ADGRL3: variants seen among roughly 807,000 people sequenced by gnomAD.
ADGRL3 encodes calcium-independent alpha-latrotoxin receptor 3.
ADGRL3 carries 62 observed loss-of-function variants against 153.5 expected under a neutral mutation model. That is an observed-to-expected ratio of 0.40 (90% CI 0.33 to 0.50). ADGRL3 has a LOEUF of 0.50. Ranked by LOEUF, ADGRL3 falls within the 20% of genes least tolerant of loss-of-function variation. The pLI is 0.47. For synonymous variants in ADGRL3, 710 were observed against 672.5 expected (o/e 1.06, Z -0.86); for missense variants, 1,641 against 1,859.4 (o/e 0.88, Z 2.16).
At chr4:61,313,429 A>G (rs925385018) in intron 1 of ADGRL3, among the ~76,000 whole-genome samples, 1 of 152,200 alleles carries the variant, frequency 6.6e-6, no homozygotes, top group Non-Finnish European at 1.5e-5. Flanking sequence ...ATCAGCAGTA[A>G]AAAATGTACC....
intron 17 of ADGRL3, among the ~76,000 whole-genome samples, chr4:61,976,750 G>T (rs555951863): frequency 2.0e-5 from 3 of 152,014 alleles, no homozygotes; most frequent in East Asian, 3.9e-4. Context: ...CTCCCCCTTC[G>T]CCTTCTGCCA....
intron 17 of ADGRL3, among the ~76,000 whole-genome samples, chr4:61,978,456 T>C (rs1361233420): frequency 6.6e-6 from 1 of 152,200 alleles, no homozygotes; most frequent in African/African-American, 2.4e-5. Context: ...ACCCATTCAT[T>C]TATCTATTCT....
Position 61,486,331 on chromosome 4 carries a change from T to TC in ADGRL3, c.-173-10790_-173-10789insC, listed in dbSNP as rs778796138. ...TTCACAGGATAAGGATGATACTGAT[T>TC]TTATATTTAAATCAAATCCTGGAAT... On this transcript the variant is annotated intron_variant, in intron 2 of 26. Coordinates refer to ENST00000683033, the MANE Select transcript of ADGRL3 (RefSeq NM_001387552.1). 1.5e-3 allele frequency among the ~76,000 whole-genome samples: 235 copies of TC among 152,252 alleles called. 3 individuals carry two copies. Among genetic ancestry groups the TC allele is most frequent in the Admixed American group, 3.3e-3 (50 of 15,282 alleles).
At chr4:61,256,726 G>C (rs1167792461) in intron 1 of ADGRL3, among the ~76,000 whole-genome samples, 3 of 152,052 alleles carry the variant, frequency 2.0e-5, no homozygotes. Flanking sequence ...GAAATAAACT[G>C]AGTTTATAAA....
At chr4:61,573,122 A>T (rs140732852) in intron 4 of ADGRL3, among the ~76,000 whole-genome samples, 2,299 of 152,134 alleles carry the variant, frequency 0.015, 52 homozygotes, top group African/African-American at 0.052. Flanking sequence ...ACAGTGTGCT[A>T]AGCATAGTGT....
intron 5 of ADGRL3, among the ~76,000 whole-genome samples, chr4:61,608,435 A>G (rs2099041104): frequency 6.6e-6 from 1 of 152,224 alleles, no homozygotes; most frequent in African/African-American, 2.4e-5. Context: ...AACTGAATTA[A>G]AAACCAAACA....
intron 17 of ADGRL3, among the ~76,000 whole-genome samples, chr4:61,971,866 GT>G (rs1376962966): frequency 1.3e-5 from 2 of 152,098 alleles, no homozygotes; most frequent in Admixed American, 1.3e-4. Flanking sequence ...GTGTGAGATG[GT>G]ATCTCATTGT....
intron 2 of ADGRL3, among the ~76,000 whole-genome samples, chr4:61,449,946 T>G (rs1228321281): frequency 6.6e-6 from 1 of 152,232 alleles, no homozygotes; most frequent in East Asian, 1.9e-4. Flanking sequence ...TGATGTCTAT[T>G]GGAAACTATA....
intron 21 of ADGRL3, among the ~76,000 whole-genome samples, chr4:62,007,197 TA>T (rs947807632): frequency 4.7e-5 from 7 of 150,474 alleles, no homozygotes; most frequent in Non-Finnish European, 8.9e-5. Context: ...GTTCAGGATG[TA>T]AAATATTCCT....
intron 2 of ADGRL3, among the ~76,000 whole-genome samples, chr4:61,469,772 G>T (rs975635395): frequency 1.3e-5 from 2 of 151,956 alleles, no homozygotes; most frequent in South Asian, 4.1e-4. Context: ...AAGGGAACAA[G>T]TAGTATAGAA....
At chr4:61,627,335 C>T (rs369752902) in intron 5 of ADGRL3, among the ~76,000 whole-genome samples, 4 of 151,936 alleles carry the variant, frequency 2.6e-5, no homozygotes, top group East Asian at 1.9e-4. Context: ...AATAGTTAGC[C>T]GAATGTGGTG....
chr4:61,597,031 T>G (rs1234404790), intron 5 of ADGRL3, among the ~76,000 whole-genome samples: 1 of 150,342 alleles, frequency 6.7e-6, no homozygotes, highest in Non-Finnish European at 1.5e-5. Context: ...TGAAGTGTGT[T>G]TTTTTTTTTC....
chr4:61,210,374 G>A (rs540565004), intron 1 of ADGRL3, among the ~76,000 whole-genome samples: 3 of 152,200 alleles, frequency 2.0e-5, no homozygotes, highest in East Asian at 1.9e-4. Context: ...ATTCAGGACA[G>A]CCCCAGTGGC....
At chr4:61,424,582 G>A (rs980769415) in intron 2 of ADGRL3, among the ~76,000 whole-genome samples, 8 of 152,162 alleles carry the variant, frequency 5.3e-5, no homozygotes, top group Non-Finnish European at 1.2e-4. Flanking sequence ...TCTCTTGCAA[G>A]GCTGCTATTA....
rs2098285548 is a variant in ADGRL3 at position 61,857,274 on chromosome 4, G to C, written c.1481-35382G>C. Among the ~76,000 whole-genome samples the C allele has an allele frequency of 2.6e-5, 4 of 151,856 alleles. No homozygotes were observed. In the South Asian group the frequency reaches 8.3e-4, roughly 31 times the overall value. On this transcript the variant is annotated intron_variant, in intron 9 of 26. Coordinates refer to ENST00000683033, the MANE Select transcript of ADGRL3 (RefSeq NM_001387552.1). ...CATGCTGGGAGTAGAGTATCTACAG[G>C]AGAAAAGGTTCTATAAGGGAAAGCC...
At chr4:61,861,008 A>T in intron 9 of ADGRL3, among the ~76,000 whole-genome samples, 1 of 152,234 alleles carries the variant, frequency 6.6e-6, no homozygotes, top group East Asian at 1.9e-4. Flanking sequence ...TGTCAAACTG[A>T]AGATTTCTAC....
At chr4:61,415,649 A>ATTTTCCCTAT (rs2097136395) in intron 2 of ADGRL3, among the ~76,000 whole-genome samples, 1 of 151,826 alleles carries the variant, frequency 6.6e-6, no homozygotes, top group South Asian at 2.1e-4. Context: ...ATGTATCCCA[A>ATTTTCCCTAT]TTTTCCCTAT....
intron 5 of ADGRL3, among the ~76,000 whole-genome samples, chr4:61,634,721 T>C (rs2150072374): frequency 6.6e-6 from 1 of 152,272 alleles, no homozygotes; most frequent in Admixed American, 6.5e-5. Flanking sequence ...AAAAAGTGAA[T>C]GCCCTTCCCA....
At chr4:61,791,040 A>G (rs1383917581) in intron 8 of ADGRL3, among the ~76,000 whole-genome samples, 2 of 152,146 alleles carry the variant, frequency 1.3e-5, no homozygotes, top group African/African-American at 4.8e-5. Flanking sequence ...TTGGGTGGGG[A>G]CACAGGCAAA....
Sources: allele counts gnomAD v4.1 joint callset (sites outside exome capture counted in the v4.1 genomes callset), GRCh38; gene constraint gnomAD v4.1.1; transcripts MANE v1.5; gene names NCBI Gene and HGNC (gene_info 2026-07-23, HGNC 2026-07-21).